Variants in RPIA observed in about 807,000 individuals in gnomAD.
RPIA encodes ribose-5-phosphate isomerase.
A neutral mutation model predicts 37.8 loss-of-function variants in RPIA; 29 were observed. The observed-to-expected ratio is 0.77, with a 90% CI of 0.57 to 1.05. The LOEUF (loss-of-function observed/expected upper bound fraction) is 1.05. Ranked by LOEUF, RPIA falls within the 50% of genes least tolerant of loss-of-function variation. RPIA has a pLI of 0.00. For missense variants in RPIA, 385 were observed against 413.6 expected (o/e 0.93, Z 0.60); for synonymous variants, 167 against 157.0 (o/e 1.06, Z -0.48).
chr2:88,733,554 AG>A (rs1175023400), intron 4 of RPIA, among the ~76,000 whole-genome samples: 3 of 152,200 alleles, frequency 2.0e-5, no homozygotes, highest in Non-Finnish European at 4.4e-5. Flanking sequence ...CATACCCCTG[AG>A]AATTGCCAGA....
At chr2:88,745,797 A>T (rs1243571674) in intron 8 of RPIA, among the ~76,000 whole-genome samples, 2 of 152,200 alleles carry the variant, frequency 1.3e-5, no homozygotes, top group Non-Finnish European at 2.9e-5. Flanking sequence ...GTGTTCTTCA[A>T]GCATTTTTAT....
At position 88,750,793 on chromosome 2, in the gene RPIA, G is replaced by GTTTT. The variant is rs540729154; in HGVS notation, c.*719_*722dup. On this transcript the variant is annotated 3_prime_UTR_variant, in exon 9 of 9. Transcript: ENST00000283646. ...ACTGCTGTGAAATGTGAAGTACTTT[G>GTTTT]TTTTTTTATTTTTAATGATTTTCTT... 4 of 398,310 alleles carry GTTTT rather than the reference G, an allele frequency of 1.0e-5. No homozygotes were observed. The highest frequency in any genetic ancestry group is 1.8e-5 in the Non-Finnish European group (4 of 226,006). The allele number at this position is 398,310 out of a possible 1,614,324, so 24.7% of individuals were successfully genotyped here.
chr2:88,707,557 T>C (rs1287408895), intron 3 of RPIA, among the ~76,000 whole-genome samples: 2 of 152,204 alleles, frequency 1.3e-5, no homozygotes, highest in Non-Finnish European at 1.5e-5. Context: ...TTGAGTACAC[T>C]GTAAGGCTTC....
intron 8 of RPIA, among the ~76,000 whole-genome samples, chr2:88,740,410 A>T (rs1328225951): frequency 1.3e-5 from 2 of 152,198 alleles, no homozygotes; most frequent in Admixed American, 6.5e-5. Context: ...GGACAATCAG[A>T]GTGGTTTGCT....
intron 1 of RPIA, among the ~76,000 whole-genome samples, chr2:88,694,224 C>G (rs376616238): frequency 6.6e-6 from 1 of 152,236 alleles, no homozygotes; most frequent in Non-Finnish European, 1.5e-5. Flanking sequence ...GGCAAGGGCA[C>G]TGATTTCCTG....
rs1673489933 is a variant in RPIA at position 88,750,305 on chromosome 2, A to C, written c.*227A>C. The stretch of plus-strand genomic sequence containing the variant: ...ATATATTTTTACTATTAAAATATTC[A>C]GTTTTTTAAATGAAGTAGAACTTGA... On this transcript the variant is annotated 3_prime_UTR_variant, in exon 9 of 9. Coordinates refer to ENST00000283646, the MANE Select transcript of RPIA (RefSeq NM_144563.3). The C allele has an allele frequency of 2.5e-6, 1 of 402,796 alleles. No individual in the cohort carries two copies. Among genetic ancestry groups the C allele is most frequent in the East Asian group, 4.0e-5 (1 of 25,144 alleles). 25.0% of individuals were successfully genotyped at this position (402,796 alleles called of 1,614,324 possible).
chr2:88,709,688 T>C (rs1462992228), intron 3 of RPIA, among the ~76,000 whole-genome samples: 1 of 152,232 alleles, frequency 6.6e-6, no homozygotes, highest in Non-Finnish European at 1.5e-5. Context: ...CCATATCTGC[T>C]TTTTCTTCTC....
intron 5 of RPIA, among the ~76,000 whole-genome samples, chr2:88,735,179 G>A (rs1292004032): frequency 6.6e-6 from 1 of 152,228 alleles, no homozygotes; most frequent in African/African-American, 2.4e-5. Context: ...TTTCTTACGT[G>A]TTACTTAATC....
chr2:88,692,429 G>GTTC (rs1676949765), intron 1 of RPIA, among the ~76,000 whole-genome samples: 1 of 152,208 alleles, frequency 6.6e-6, no homozygotes, highest in African/African-American at 2.4e-5. Context: ...GTCGAAGGAG[G>GTTC]TTCTGGGCTT....
chr2:88,703,335 G>A (rs957924362), intron 3 of RPIA, among the ~76,000 whole-genome samples: 2 of 152,210 alleles, frequency 1.3e-5, no homozygotes, highest in African/African-American at 4.8e-5. Flanking sequence ...CACTGCCCTA[G>A]CAGAAGTTCT....
At chr2:88,718,236 A>G (rs1673060027) in intron 3 of RPIA, among the ~76,000 whole-genome samples, 1 of 152,234 alleles carries the variant, frequency 6.6e-6, no homozygotes, top group East Asian at 1.9e-4. Context: ...TTTTGAAACA[A>G]TTTTTCTCTA....
At chr2:88,738,409 C>T (rs1673341458) in intron 8 of RPIA, among the ~76,000 whole-genome samples, 1 of 152,228 alleles carries the variant, frequency 6.6e-6, no homozygotes, top group South Asian at 2.1e-4. Flanking sequence ...AGGAGCTGGA[C>T]TACAGCCTTT....
chr2:88,738,247 C>T (rs780587081), intron 8 of RPIA, among the ~76,000 whole-genome samples, 171 bp downstream of exon 8: 1 of 152,232 alleles, frequency 6.6e-6, no homozygotes, highest in Admixed American at 6.5e-5. Flanking sequence ...TTGCCGTATT[C>T]CCTTCCCCCA....
intron 1 of RPIA, among the ~76,000 whole-genome samples, chr2:88,696,434 A>G (rs1310930388): frequency 1.3e-5 from 2 of 151,874 alleles, no homozygotes; most frequent in South Asian, 2.1e-4. Context: ...AGTACTAGCT[A>G]TGTGGGAAGC....
At chr2:88,710,149 C>T (rs576123739) in intron 3 of RPIA, among the ~76,000 whole-genome samples, 40 of 152,194 alleles carry the variant, frequency 2.6e-4, no homozygotes, top group Admixed American at 8.5e-4. Context: ...TGGGCTCAAG[C>T]GATCCTCCTG....
intron 3 of RPIA, among the ~76,000 whole-genome samples, chr2:88,718,190 G>A (rs1673059532): frequency 6.6e-6 from 1 of 152,132 alleles, no homozygotes; most frequent in African/African-American, 2.4e-5. Flanking sequence ...GAAAAACATA[G>A]GCAAGACTAG....
intron 3 of RPIA, among the ~76,000 whole-genome samples, chr2:88,723,677 C>A (rs562854699): frequency 6.6e-6 from 1 of 152,212 alleles, no homozygotes; most frequent in African/African-American, 2.4e-5. Flanking sequence ...AAAATGTCAA[C>A]CCTGAAAATC....
At chr2:88,712,700 A>C (rs560856420) in intron 3 of RPIA, among the ~76,000 whole-genome samples, 1 of 152,190 alleles carries the variant, frequency 6.6e-6, no homozygotes, top group African/African-American at 2.4e-5. Flanking sequence ...TTTCCAGCAC[A>C]GTGGGTATCC....
chr2:88,726,966 T>G (rs1026823012), intron 3 of RPIA, among the ~76,000 whole-genome samples: 5 of 152,200 alleles, frequency 3.3e-5, no homozygotes, highest in African/African-American at 1.2e-4. Context: ...CTTGAACTCC[T>G]GGCCTCAAGT....
Sources: allele counts gnomAD v4.1 joint callset (sites outside exome capture counted in the v4.1 genomes callset), GRCh38; gene constraint gnomAD v4.1.1; transcripts MANE v1.5; gene names NCBI Gene and HGNC (gene_info 2026-07-23, HGNC 2026-07-21).